RASAL2: variants seen among roughly 807,000 people sequenced by gnomAD.
RASAL2 encodes the protein ras GTPase-activating protein nGAP.
RASAL2 carries 58 observed loss-of-function variants against 128.9 expected under a neutral mutation model. The ratio of observed to expected loss-of-function variants is 0.45; its 90% CI spans 0.36 to 0.56. The LOEUF (loss-of-function observed/expected upper bound fraction) is 0.56. Among genes scored for constraint, RASAL2 ranks in the 20% least tolerant of loss-of-function variants. RASAL2 has a pLI of 0.00. For synonymous variants in RASAL2, 561 were observed against 580.8 expected (o/e 0.97, Z 0.49); for missense variants, 1,360 against 1,601.6 (o/e 0.85, Z 2.57).
At position 178,466,100 on chromosome 1, in the gene RASAL2, C is replaced by A; in HGVS notation, c.3568C>A (p.Gln1190Lys). The change falls in exon 16 of 18, where the codon CAG becomes AAG. Residue 1190 changes from glutamine to lysine, a missense_variant. By Grantham distance (53) the Gln-to-Lys change is moderately conservative. This residue lies in a region of RASAL2 where 741 missense variants were observed against 868.6 expected (regional missense o/e 0.85). Coordinates refer to ENST00000367649, the MANE Select transcript of RASAL2 (RefSeq NM_170692.4). Reference protein sequence around the residue: ...LRRQQEEKDSQMKSIISRLMA... With the variant: ...LRRQQEEKDSKMKSIISRLMA... ...AAGACAGCAGGAAGAAAAAGATAGC[C>A]AGATGAAAAGCATCATCAGCAGGTT... 6.4e-7 allele frequency: 1 copy of A among 1,568,700 alleles called. No individual in the cohort carries two copies. The highest frequency in any genetic ancestry group is 8.7e-7 in the Non-Finnish European group (1 of 1,155,816).
chr1:178,455,558 T>C (rs1005497689), intron 12 of RASAL2, among the ~76,000 whole-genome samples: 2 of 152,252 alleles, frequency 1.3e-5, no homozygotes, highest in African/African-American at 2.4e-5. Context: ...CCTCCAGTGC[T>C]TAAAATATTT....
chr1:178,180,772 A>G (rs1662079753), intron 1 of RASAL2, among the ~76,000 whole-genome samples: 1 of 150,568 alleles, frequency 6.6e-6, no homozygotes, highest in Non-Finnish European at 1.5e-5. Flanking sequence ...AGTATCTAGA[A>G]TTTTTATGCA....
At chr1:178,267,294 C>T (rs959549951) in intron 1 of RASAL2, among the ~76,000 whole-genome samples, 3 of 152,006 alleles carry the variant, frequency 2.0e-5, no homozygotes, top group Non-Finnish European at 2.9e-5. Context: ...TTTTATTCAT[C>T]CATTTTAGAC....
rs531770814 is a variant in RASAL2, at chr1:178,184,393, T to C, written c.202+89699T>C. On this transcript the variant is annotated intron_variant, in intron 1 of 17. Transcript: ENST00000367649. ...CCAGGTCACGTATAATTTTTCCTGTTTTTTTTTTTAAAGAAGTTTTATACT... is the reference window on the plus strand; with the variant it reads ...CCAGGTCACGTATAATTTTTCCTGTCTTTTTTTTTAAAGAAGTTTTATACT... Among the ~76,000 whole-genome samples, 234 of 91,764 alleles carry C rather than the reference T, an allele frequency of 2.6e-3. 1 individual carries two copies. The highest frequency in any genetic ancestry group is 0.013 in the African/African-American group (224 of 17,444). The allele number at this position is 91,764 out of a possible 152,430, so 60.2% of individuals were successfully genotyped here.
intron 3 of RASAL2, among the ~76,000 whole-genome samples, chr1:178,310,925 A>C (rs1442182414): frequency 6.6e-6 from 1 of 152,186 alleles, no homozygotes; most frequent in African/African-American, 2.4e-5. Context: ...CAGTTTGTAC[A>C]GTCAAGTTCT....
At chr1:178,414,874 T>G (rs183829623) in intron 4 of RASAL2, among the ~76,000 whole-genome samples, 1 of 152,270 alleles carries the variant, frequency 6.6e-6, no homozygotes, top group African/African-American at 2.4e-5. Flanking sequence ...TCACCTAGAT[T>G]ATCAAATCCC....
chr1:178,134,366 G>A (rs1036422302), intron 1 of RASAL2, among the ~76,000 whole-genome samples: 3 of 151,566 alleles, frequency 2.0e-5, no homozygotes, highest in Admixed American at 6.6e-5. Flanking sequence ...GCTGAGGTGG[G>A]AGGATTGCTT....
At chr1:178,258,699 C>A (rs1474446145) in intron 1 of RASAL2, among the ~76,000 whole-genome samples, 1 of 152,164 alleles carries the variant, frequency 6.6e-6, no homozygotes, top group African/African-American at 2.4e-5. Flanking sequence ...GACTGCCTGG[C>A]AGTTCTTCAA....
chr1:178,391,865 G>A (rs1672927148), intron 4 of RASAL2, among the ~76,000 whole-genome samples: 1 of 152,144 alleles, frequency 6.6e-6, no homozygotes, highest in Admixed American at 6.5e-5. Context: ...AGTGGTTCCA[G>A]GATTCAGATG....
intron 1 of RASAL2, among the ~76,000 whole-genome samples, chr1:178,223,081 A>G (rs1034067631): frequency 6.6e-6 from 1 of 152,194 alleles, no homozygotes; most frequent in Non-Finnish European, 1.5e-5. Context: ...CTTTCTCATT[A>G]CTAGTCTGAA....
At chr1:178,221,511 C>G (rs1663612895) in intron 1 of RASAL2, among the ~76,000 whole-genome samples, 1 of 152,010 alleles carries the variant, frequency 6.6e-6, no homozygotes, top group Admixed American at 6.6e-5. Context: ...CTTGAGATTT[C>G]TTTGATAACA....
chr1:178,179,227 C>T (rs1661993800), intron 1 of RASAL2, among the ~76,000 whole-genome samples: 1 of 152,072 alleles, frequency 6.6e-6, no homozygotes, highest in Non-Finnish European at 1.5e-5. Context: ...AAGCTACCAG[C>T]CTGAAGTCAG....
chr1:178,111,938 AG>A (rs775520114), intron 1 of RASAL2, among the ~76,000 whole-genome samples: 16 of 152,180 alleles, frequency 1.1e-4, no homozygotes, highest in Non-Finnish European at 2.1e-4. Context: ...CATGTTGGCC[AG>A]GCTGGTCTTG....
chr1:178,197,049 G>A (rs1662680237), intron 1 of RASAL2, among the ~76,000 whole-genome samples: 1 of 152,188 alleles, frequency 6.6e-6, no homozygotes, highest in Non-Finnish European at 1.5e-5. Flanking sequence ...CACAGTGGCT[G>A]ACACCTATAA....
rs1412894869 is a variant in RASAL2 at position 178,166,219 on chromosome 1, A to G, written c.202+71525A>G. Among the ~76,000 whole-genome samples, 3 of 152,190 alleles carry G rather than the reference A, an allele frequency of 2.0e-5. No homozygotes were observed. In the East Asian group the frequency reaches 5.8e-4, roughly 29 times the overall value. ...TCTCACTGTTGCAAAATGTGAAAAT[A>G]ATAGCTGTGTAACACAATATTAATG... On this transcript the variant is annotated intron_variant, in intron 1 of 17. Transcript: ENST00000367649.
Position 178,267,364 on chromosome 1 carries a change from A to G in RASAL2, c.203-16200A>G, listed in dbSNP as rs536778149. Among the ~76,000 whole-genome samples, 3 of 152,174 alleles carry G rather than the reference A, an allele frequency of 2.0e-5. No individual in the cohort carries two copies. In the South Asian group the frequency reaches 6.2e-4, roughly 32 times the overall value. On this transcript the variant is annotated intron_variant, in intron 1 of 17. Transcript: ENST00000367649. The stretch of plus-strand genomic sequence containing the variant: ...TTTAGCTATCACATAAAACCATTCC[A>G]ACTTCCTCACTATAGTTTTTGGTGA...
chr1:178,469,209 A>G (rs1203193431), intron 17 of RASAL2, among the ~76,000 whole-genome samples: 1 of 152,092 alleles, frequency 6.6e-6, no homozygotes, highest in African/African-American at 2.4e-5. Flanking sequence ...AGGTGGGAGG[A>G]TAGCTTGAGC....
At chr1:178,209,758 A>G (rs1265005977) in intron 1 of RASAL2, among the ~76,000 whole-genome samples, 1 of 151,482 alleles carries the variant, frequency 6.6e-6, no homozygotes, top group Admixed American at 6.6e-5. Flanking sequence ...ATCAGATATC[A>G]TTATCTGATT....
At chr1:178,320,861 A>G (rs535470021) in intron 3 of RASAL2, among the ~76,000 whole-genome samples, 4 of 152,286 alleles carry the variant, frequency 2.6e-5, no homozygotes, top group South Asian at 4.2e-4. Flanking sequence ...AATTTACTCA[A>G]TTTAGAAACT....
Sources: gnomAD v4.1 joint callset for allele counts (sites outside exome capture counted in the v4.1 genomes callset) on GRCh38, gnomAD v4.1.1 for gene constraint, gnomAD v4.1.1 regional missense constraint, MANE v1.5 for transcripts, NCBI Gene and HGNC (gene_info 2026-07-23, HGNC 2026-07-21) for gene names.